Variants in DHRSX observed in about 807,000 individuals in gnomAD.
The protein encoded by DHRSX is dehydrogenase/reductase X-linked.
DHRSX carries 31 observed loss-of-function variants against 34.0 expected under a neutral mutation model. That is an observed-to-expected ratio of 0.91 (90% CI 0.69 to 1.23). DHRSX has a LOEUF of 1.23. DHRSX is among the 50% of genes most tolerant of loss of function. DHRSX has a pLI of 0.00. For synonymous variants in DHRSX, 201 were observed against 183.8 expected (o/e 1.09, Z -0.76); for missense variants, 414 against 428.1 (o/e 0.97, Z 0.29).
At chrX:2,349,629 G>C (rs1049252990) in intron 3 of DHRSX, among the ~76,000 whole-genome samples, 1 of 152,120 alleles carries the variant, frequency 6.6e-6, no homozygotes, top group African/African-American at 2.4e-5. Context: ...GGAGGTTGCA[G>C]TGAGCTGAGA....
At chrX:2,446,405 G>A (rs2044135565) in intron 1 of DHRSX, among the ~76,000 whole-genome samples, 1 of 151,598 alleles carries the variant, frequency 6.6e-6, no homozygotes, top group South Asian at 2.1e-4. Flanking sequence ...TGTACACACT[G>A]CAGACGTTCC....
At chrX:2,356,947 C>G (rs767001486) in intron 3 of DHRSX, among the ~76,000 whole-genome samples, 64 of 152,082 alleles carry the variant, frequency 4.2e-4, no homozygotes, top group African/African-American at 1.5e-3. Context: ...TTTGGAGAAT[C>G]AAAAGGTGCA....
At chrX:2,327,138 A>G (rs1569489286) in intron 3 of DHRSX, among the ~76,000 whole-genome samples, 2 of 152,134 alleles carry the variant, frequency 1.3e-5, no homozygotes, top group South Asian at 2.1e-4. Context: ...TTAGCTTTCA[A>G]CAACACTTTT....
chrX:2,375,178 A>C lies in DHRSX; in HGVS notation c.286+33567T>G, dbSNP rs899084179. On this transcript the variant is annotated intron_variant, in intron 3 of 6. Coordinates refer to ENST00000334651, the MANE Select transcript of DHRSX (RefSeq NM_145177.3). Reference sequence around the variant, plus strand: ...ACGCTGTCATGGAAGGATGGAGCCCATCTCAAAGGGAATTTCTGGAGTGCA... The same window carrying C: ...ACGCTGTCATGGAAGGATGGAGCCCCTCTCAAAGGGAATTTCTGGAGTGCA... Among the ~76,000 whole-genome samples, 2 of 138,594 alleles carry C rather than the reference A, an allele frequency of 1.4e-5. 1 individual carries two copies. Among genetic ancestry groups the C allele is most frequent in the Non-Finnish European group, 3.4e-5 (2 of 58,692 alleles). The allele number at this position is 138,594 out of a possible 152,430, so 90.9% of individuals were successfully genotyped here. A position where few individuals can be genotyped will look rare whatever the true frequency, so the allele number is the denominator to read the frequency against.
intron 3 of DHRSX, among the ~76,000 whole-genome samples, chrX:2,402,785 G>GTGTAATA (rs2043502633): frequency 6.6e-6 from 1 of 151,772 alleles, no homozygotes; most frequent in Non-Finnish European, 1.5e-5. Context: ...GGCATGCAAT[G>GTGTAATA]TGTAATACTC....
intron 1 of DHRSX, among the ~76,000 whole-genome samples, chrX:2,483,031 A>G (rs376676065): frequency 2.9e-4 from 44 of 151,540 alleles, no homozygotes; most frequent in African/African-American, 1.0e-3. Context: ...TAGGGCACAA[A>G]GAACCCAACT....
At chrX:2,274,283 C>T (rs141093742) in intron 4 of DHRSX, among the ~76,000 whole-genome samples, 3,071 of 152,138 alleles carry the variant, frequency 0.02, 99 homozygotes, top group African/African-American at 0.069. Context: ...ACTGATCCTC[C>T]CGCCTTGGCC....
chrX:2,295,477 T>C (rs1239805766), intron 3 of DHRSX, among the ~76,000 whole-genome samples: 1 of 152,188 alleles, frequency 6.6e-6, no homozygotes, highest in Non-Finnish European at 1.5e-5. Flanking sequence ...CTAATGTAGA[T>C]GACGGGTCGA....
At chrX:2,377,964 T>A (rs186269070) in intron 3 of DHRSX, among the ~76,000 whole-genome samples, 356 of 152,310 alleles carry the variant, frequency 2.3e-3, no homozygotes, top group African/African-American at 8.1e-3. Context: ...GGCCTCGATC[T>A]CTTGACCTCG....
intron 3 of DHRSX, among the ~76,000 whole-genome samples, chrX:2,402,714 A>C (rs2043501520): frequency 6.6e-6 from 1 of 152,176 alleles, no homozygotes; most frequent in Admixed American, 6.5e-5. Context: ...TTTAAAAAAA[A>C]AAATTGCATG....
At chrX:2,455,417 C>T (rs2044282236) in intron 1 of DHRSX, among the ~76,000 whole-genome samples, 1 of 151,108 alleles carries the variant, frequency 6.6e-6, no homozygotes, top group African/African-American at 2.5e-5. Flanking sequence ...ACCCGTGTAA[C>T]GAACCTGCGC....
chrX:2,469,875 G>A (rs1291401173), intron 1 of DHRSX, among the ~76,000 whole-genome samples: 1 of 152,128 alleles, frequency 6.6e-6, no homozygotes, highest in African/African-American at 2.4e-5. Context: ...AGAATGGTGT[G>A]CAGGATCCAG....
chrX:2,475,308 C>T (rs1311682685), intron 1 of DHRSX, among the ~76,000 whole-genome samples: 1 of 151,956 alleles, frequency 6.6e-6, no homozygotes, highest in Non-Finnish European at 1.5e-5. Context: ...AAGGGACTGC[C>T]ACCAAGAACA....
At chrX:2,299,982 C>T (rs2041992481) in intron 3 of DHRSX, among the ~76,000 whole-genome samples, 1 of 151,984 alleles carries the variant, frequency 6.6e-6, no homozygotes, top group African/African-American at 2.4e-5. Context: ...ACTGGAAAGA[C>T]ACAGAGGCAT....
intron 1 of DHRSX, among the ~76,000 whole-genome samples, chrX:2,439,165 A>G (rs956330337): frequency 1.3e-5 from 2 of 151,870 alleles, no homozygotes; most frequent in African/African-American, 4.8e-5. Flanking sequence ...AAAAAAGCTT[A>G]AAAAATAAAA....
At chrX:2,304,895 T>C (rs1405147300) in intron 3 of DHRSX, among the ~76,000 whole-genome samples, 1 of 151,964 alleles carries the variant, frequency 6.6e-6, no homozygotes, top group African/African-American at 2.4e-5. Flanking sequence ...ATTATAAAGA[T>C]ACAGGCACAC....
At chrX:2,320,164 T>C (rs1477917631) in intron 3 of DHRSX, among the ~76,000 whole-genome samples, 3 of 151,478 alleles carry the variant, frequency 2.0e-5, no homozygotes. Flanking sequence ...GATAAATATA[T>C]ACATTTACAT....
At chrX:2,391,728 C>T (rs1385870430) in intron 3 of DHRSX, among the ~76,000 whole-genome samples, 2 of 152,060 alleles carry the variant, frequency 1.3e-5, no homozygotes, top group Non-Finnish European at 2.9e-5. Flanking sequence ...GAGTTCGAGA[C>T]CAGCCTGACC....
chrX:2,421,398 A>G (rs1470634353), intron 2 of DHRSX, among the ~76,000 whole-genome samples: 1 of 152,180 alleles, frequency 6.6e-6, no homozygotes, highest in Admixed American at 6.5e-5. Context: ...GAAAGTTGGG[A>G]AGAGCCATGA....
Sources: allele counts gnomAD v4.1 joint callset (sites outside exome capture counted in the v4.1 genomes callset), GRCh38; gene constraint gnomAD v4.1.1; transcripts MANE v1.5; gene names NCBI Gene and HGNC (gene_info 2026-07-23, HGNC 2026-07-21).